WWTR1: variants seen among roughly 807,000 people sequenced by gnomAD.
WWTR1 encodes WW domain containing transcription regulator 1.
A neutral mutation model predicts 40.1 loss-of-function variants in WWTR1; 13 were observed. That is an observed-to-expected ratio of 0.32 (90% CI 0.21 to 0.52). The LOEUF is 0.52. WWTR1 is among the 20% of genes least tolerant of loss of function. The probability of loss-of-function intolerance (pLI) is 0.97; values close to 1 mark genes in which losing one functional copy is unlikely to be tolerated. For synonymous variants in WWTR1, 230 were observed against 210.1 expected, an observed-to-expected ratio of 1.09 and a Z score of -0.82; for missense variants, 436 against 523.1, an observed-to-expected ratio of 0.83 and a Z score of 1.63.
intron 5 of WWTR1, among the ~76,000 whole-genome samples, chr3:149,713,055 A>G (rs1209449075): frequency 6.6e-6 from 1 of 152,176 alleles, no homozygotes; most frequent in African/African-American, 2.4e-5. Flanking sequence ...TCTGCTGCGT[A>G]TGAGAGTGAC....
chr3:149,557,185 C>T (rs1736870303), intron 3 of WWTR1, among the ~76,000 whole-genome samples: 1 of 148,940 alleles, frequency 6.7e-6, no homozygotes, highest in Non-Finnish European at 1.5e-5. Flanking sequence ...ATTCTCTTAC[C>T]TCAGCCTCCC....
At chr3:149,532,669 A>C (rs1184940677) in intron 4 of WWTR1, among the ~76,000 whole-genome samples, 1 of 152,194 alleles carries the variant, frequency 6.6e-6, no homozygotes, top group Non-Finnish European at 1.5e-5. Context: ...TAAAAGGGCT[A>C]ACCTCACCAA....
chr3:149,557,627 T>C (rs954782975), intron 3 of WWTR1, among the ~76,000 whole-genome samples: 1 of 152,134 alleles, frequency 6.6e-6, no homozygotes. Flanking sequence ...GGCCCCATGG[T>C]ATGCATTTTT....
chr3:149,644,988 G>A (rs576420691), intron 2 of WWTR1, among the ~76,000 whole-genome samples: 44 of 152,140 alleles, frequency 2.9e-4, no homozygotes, highest in African/African-American at 4.8e-4. Context: ...AGGTAACTGG[G>A]ATTACAGGTA....
At chr3:149,621,351 C>T (rs1032147373) in intron 2 of WWTR1, among the ~76,000 whole-genome samples, 2 of 151,514 alleles carry the variant, frequency 1.3e-5, no homozygotes, top group African/African-American at 4.9e-5. Flanking sequence ...TTTTTTAACT[C>T]AAGTAATGTT....
At chr3:149,598,750 T>G (rs1174732570) in intron 2 of WWTR1, among the ~76,000 whole-genome samples, 1 of 152,230 alleles carries the variant, frequency 6.6e-6, no homozygotes, top group Non-Finnish European at 1.5e-5. Context: ...GTTAGATATT[T>G]ATATTTTTCT....
At chr3:149,622,494 GAAGGAAGGAAGAAAGA>G (rs1403260005) in intron 2 of WWTR1, among the ~76,000 whole-genome samples, 1,006 of 44,628 alleles carry the variant, frequency 0.023, 13 homozygotes, top group African/African-American at 0.067. Flanking sequence ...AGGAAGGAAG[GAAGGAAGGAAGAAAGA>G]AAGAAAGAAA....
chr3:149,594,880 GTCTTAT>G (rs1560076705), intron 2 of WWTR1, among the ~76,000 whole-genome samples: 1 of 138,510 alleles, frequency 7.2e-6, no homozygotes, highest in African/African-American at 2.7e-5. Context: ...ATAAAAGAAT[GTCTTAT>G]TCTTAGGAAA....
At chr3:149,697,126 G>A (rs1715019205) in intron 1 of WWTR1, among the ~76,000 whole-genome samples, 1 of 152,172 alleles carries the variant, frequency 6.6e-6, no homozygotes, top group South Asian at 2.1e-4. Flanking sequence ...GAATACCTAA[G>A]GCTGGGGAAT....
intron 2 of WWTR1, among the ~76,000 whole-genome samples, chr3:149,645,805 T>TA (rs150536711): frequency 0.02 from 3,095 of 152,262 alleles, 42 homozygotes; most frequent in Middle Eastern, 0.092. Context: ...ATTTTTTTTT[T>TA]AAATAAACAA....
At chr3:149,614,446 T>A (rs186678444) in intron 2 of WWTR1, among the ~76,000 whole-genome samples, 44 of 152,314 alleles carry the variant, frequency 2.9e-4, no homozygotes, top group Non-Finnish European at 5.9e-4. Context: ...TGTAGTAGAC[T>A]ATACTTTCTA....
intron 1 of WWTR1, among the ~76,000 whole-genome samples, chr3:149,674,056 C>CAAAAAA (rs71138404): frequency 7.4e-5 from 9 of 121,868 alleles, no homozygotes; most frequent in African/African-American, 1.6e-4. Flanking sequence ...CTCGTCTCTA[C>CAAAAAA]AAAAAAAAAA....
intron 2 of WWTR1, among the ~76,000 whole-genome samples, chr3:149,586,390 C>T (rs1160592390): frequency 6.6e-6 from 1 of 151,822 alleles, no homozygotes; most frequent in Non-Finnish European, 1.5e-5. Flanking sequence ...TTCTGTAACA[C>T]TCGCAAGATA....
intron 2 of WWTR1, among the ~76,000 whole-genome samples, chr3:149,639,775 C>T (rs1038658418): frequency 7.9e-5 from 12 of 151,880 alleles, no homozygotes; most frequent in Admixed American, 3.9e-4. Context: ...GGGTGGATCA[C>T]GAGGTCAGGA....
chr3:149,636,844 G>A (rs1412594019), intron 2 of WWTR1, among the ~76,000 whole-genome samples: 2 of 151,822 alleles, frequency 1.3e-5, no homozygotes, highest in African/African-American at 4.8e-5. Flanking sequence ...GCAGGTGCCT[G>A]TAACCCCAGC....
At chr3:149,704,859 A>AAAC (rs1226684269), upstream of WWTR1, among the ~76,000 whole-genome samples, 2 of 151,810 alleles carry the variant, frequency 1.3e-5, no homozygotes, top group Non-Finnish European at 2.9e-5. Context: ...AAAAAAAAAA[A>AAAC]AACAACAACA....
intron 2 of WWTR1, among the ~76,000 whole-genome samples, chr3:149,632,414 T>C (rs947079890): frequency 1.3e-5 from 2 of 152,122 alleles, no homozygotes; most frequent in Non-Finnish European, 2.9e-5. Context: ...AGATCCATGA[T>C]TCAAACCAGT....
chr3:149,655,414 C>T (rs1318416849), intron 2 of WWTR1, among the ~76,000 whole-genome samples: 1 of 152,124 alleles, frequency 6.6e-6, no homozygotes, highest in Non-Finnish European at 1.5e-5. Flanking sequence ...CACTGCACTC[C>T]AGCGTGGGCG....
intron 2 of WWTR1, chr3:149,650,108 A>T (rs1712780980): frequency 6.6e-6 from 1 of 152,108 alleles, no homozygotes; most frequent in African/African-American, 2.4e-5. Context: ...TGTACTACCC[A>T]TTTCTGGTAT....
Sources: allele counts gnomAD v4.1 joint callset (sites outside exome capture counted in the v4.1 genomes callset), GRCh38; gene constraint gnomAD v4.1.1; transcripts MANE v1.5; gene names NCBI Gene and HGNC (gene_info 2026-07-23, HGNC 2026-07-21).